The following SGCZ variants were observed in gnomAD, a reference collection of about 807,000 sequenced individuals.
SGCZ encodes the protein sarcoglycan zeta.
In SGCZ, 40 loss-of-function variants were observed where a neutral mutation model predicts 41.3. The observed-to-expected ratio is 0.97, with a 90% CI of 0.75 to 1.26. The LOEUF (loss-of-function observed/expected upper bound fraction) is 1.26, where lower values mean the gene tolerates loss of function less well. Ranked by LOEUF, SGCZ falls within the 50% of genes most tolerant of loss-of-function variation. The probability of loss-of-function intolerance (pLI) is 0.00; values close to 1 mark genes in which losing one functional copy is unlikely to be tolerated. For missense variants in SGCZ, 552 were observed against 369.8 expected (o/e 1.49, Z -4.04); for synonymous variants, 206 against 137.5 (o/e 1.50, Z -3.49).
chr8:14,100,049 T>C (rs986504851), intron 7 of SGCZ, among the ~76,000 whole-genome samples: 1 of 152,216 alleles, frequency 6.6e-6, no homozygotes, highest in Admixed American at 6.5e-5. Context: ...TCTATATTGT[T>C]TAGTAAATGA....
intron 4 of SGCZ, among the ~76,000 whole-genome samples, chr8:14,228,732 A>G (rs1243226655): frequency 6.6e-6 from 1 of 152,106 alleles, no homozygotes; most frequent in Non-Finnish European, 1.5e-5. Flanking sequence ...TTGTCACTTT[A>G]TCCTATCACC....
intron 1 of SGCZ, among the ~76,000 whole-genome samples, chr8:15,150,100 T>C (rs1189987166): frequency 6.6e-6 from 1 of 152,148 alleles, no homozygotes; most frequent in African/African-American, 2.4e-5. Flanking sequence ...AATCAAAATG[T>C]GGCTTGTGGA....
chr8:14,440,180 A>G (rs1800206900), intron 2 of SGCZ, among the ~76,000 whole-genome samples: 1 of 151,964 alleles, frequency 6.6e-6, no homozygotes, highest in Non-Finnish European at 1.5e-5. Context: ...TTGCCCAAGA[A>G]TTTTTTAAAA....
At chr8:15,139,648 T>C (rs1238188114) in intron 1 of SGCZ, among the ~76,000 whole-genome samples, 2 of 150,970 alleles carry the variant, frequency 1.3e-5, no homozygotes, top group East Asian at 1.9e-4. Context: ...GTCTACTTAT[T>C]TAACCAAAAT....
chr8:15,004,447 G>T (rs1451424864), intron 1 of SGCZ, among the ~76,000 whole-genome samples: 5 of 152,136 alleles, frequency 3.3e-5, no homozygotes, highest in African/African-American at 9.7e-5. Context: ...AGACACTTAA[G>T]ATAGAGGTGG....
At chr8:14,274,738 A>G (rs575399311) in intron 3 of SGCZ, among the ~76,000 whole-genome samples, 1 of 152,074 alleles carries the variant, frequency 6.6e-6, no homozygotes, top group East Asian at 1.9e-4. Context: ...TTCACAAAAA[A>G]ATTATACTGC....
intron 1 of SGCZ, among the ~76,000 whole-genome samples, chr8:14,953,724 C>T (rs13439657): frequency 0.6 from 90,961 of 151,862 alleles, 27,842 homozygotes; most frequent in African/African-American, 0.72. Context: ...AAAATAATGA[C>T]GCCTCTAGCA....
At chr8:14,611,893 C>T (rs766210026) in intron 1 of SGCZ, among the ~76,000 whole-genome samples, 15 of 152,070 alleles carry the variant, frequency 9.9e-5, no homozygotes, top group Non-Finnish European at 1.6e-4. Context: ...TGAGCCATTG[C>T]AGTACATATG....
chr8:14,876,471 C>A (rs1446769881), intron 1 of SGCZ, among the ~76,000 whole-genome samples: 1 of 152,032 alleles, frequency 6.6e-6, no homozygotes, highest in East Asian at 1.9e-4. Flanking sequence ...AAACCCAAGA[C>A]AAGTGGAAGG....
At chr8:14,620,658 C>T (rs1296066070) in intron 1 of SGCZ, among the ~76,000 whole-genome samples, 2 of 152,194 alleles carry the variant, frequency 1.3e-5, no homozygotes, top group Non-Finnish European at 2.9e-5. Flanking sequence ...CAAAAGAAGA[C>T]ATTTCTGCAG....
intron 4 of SGCZ, among the ~76,000 whole-genome samples, chr8:14,203,238 A>C (rs1248127406): frequency 5.3e-5 from 8 of 152,228 alleles, no homozygotes; most frequent in Non-Finnish European, 8.8e-5. Context: ...TTTAACTTTC[A>C]ATCTATAAAG....
chr8:14,443,606 A>G (rs1048183143), intron 2 of SGCZ, among the ~76,000 whole-genome samples: 15 of 152,218 alleles, frequency 9.9e-5, no homozygotes, highest in African/African-American at 3.6e-4. Flanking sequence ...CTGGCTAGCC[A>G]TATGTAGAAA....
intron 1 of SGCZ, among the ~76,000 whole-genome samples, chr8:14,776,092 G>C (rs1035485417): frequency 6.6e-6 from 1 of 152,136 alleles, no homozygotes; most frequent in Non-Finnish European, 1.5e-5. Flanking sequence ...TACTGGAAGA[G>C]AAAAAAGTGA....
At chr8:14,642,656 T>A (rs1256850785) in intron 1 of SGCZ, among the ~76,000 whole-genome samples, 6 of 151,752 alleles carry the variant, frequency 4.0e-5, no homozygotes, top group Middle Eastern at 3.4e-3. Context: ...TTGTCAATGC[T>A]ACTTTTATTT....
intron 1 of SGCZ, among the ~76,000 whole-genome samples, chr8:15,034,627 T>C (rs976739671): frequency 6.6e-6 from 1 of 152,106 alleles, no homozygotes; most frequent in Non-Finnish European, 1.5e-5. Flanking sequence ...TCCATTCAGA[T>C]TCAATCCAAG....
chr8:14,641,430 T>G (rs1807022692), intron 1 of SGCZ, among the ~76,000 whole-genome samples: 1 of 151,676 alleles, frequency 6.6e-6, no homozygotes, highest in Admixed American at 6.6e-5. Flanking sequence ...ATGTAGCAAA[T>G]AGTTTGAAAT....
At chr8:14,807,703 C>A (rs1455164810) in intron 1 of SGCZ, among the ~76,000 whole-genome samples, 1 of 151,806 alleles carries the variant, frequency 6.6e-6, no homozygotes, top group African/African-American at 2.4e-5. Context: ...CTACCAATGC[C>A]TTTCTTCACA....
In SGCZ at chr8:14,085,344, T is replaced by A. The variant is rs1801494089; in HGVS notation, c.*5099A>T. Among the ~76,000 whole-genome samples the A allele has an allele frequency of 2.6e-5, 4 of 151,892 alleles. No individual in the cohort carries two copies. In the South Asian group the frequency reaches 8.3e-4, roughly 31 times the overall value. On this transcript the variant is annotated 3_prime_UTR_variant, in exon 8 of 8. Coordinates refer to ENST00000382080, the MANE Select transcript of SGCZ (RefSeq NM_139167.4). The stretch of plus-strand genomic sequence containing the variant: ...AGTGGACCTGATTTAAAGAATTGTA[T>A]AAATAACGAGACACTCAAACTCCAG...
chr8:15,118,444 C>T (rs1002089241), intron 1 of SGCZ, among the ~76,000 whole-genome samples: 15 of 152,126 alleles, frequency 9.9e-5, no homozygotes, highest in African/African-American at 3.4e-4. Flanking sequence ...ATCCCCAGAA[C>T]TGCCTACTAA....
Sources: gnomAD v4.1 joint callset for allele counts (sites outside exome capture counted in the v4.1 genomes callset) on GRCh38, gnomAD v4.1.1 for gene constraint, MANE v1.5 for transcripts, NCBI Gene and HGNC (gene_info 2026-07-23, HGNC 2026-07-21) for gene names.